The following RAB27B variants were observed in gnomAD, a reference collection of about 807,000 sequenced individuals.
RAB27B encodes the protein ras-related protein Rab-27B.
A neutral mutation model predicts 24.6 loss-of-function variants in RAB27B; 15 were observed. The ratio of observed to expected loss-of-function variants is 0.61; its 90% CI spans 0.41 to 0.94. The LOEUF (loss-of-function observed/expected upper bound fraction) is 0.94. RAB27B is among the 40% of genes least tolerant of loss of function. RAB27B has a pLI of 0.00. For synonymous variants in RAB27B, 105 were observed against 92.5 expected (o/e 1.14, Z -0.78); for missense variants, 261 against 266.8 (o/e 0.98, Z 0.15).
At chr18:54,869,979 C>A (rs1257755803) in intron 1 of RAB27B, among the ~76,000 whole-genome samples, 1 of 152,034 alleles carries the variant, frequency 6.6e-6, no homozygotes, top group Non-Finnish European at 1.5e-5. Flanking sequence ...ATTCAGAAAA[C>A]AGTCCCAGAC....
At chr18:54,881,662 ACT>A (rs1378107363) in intron 3 of RAB27B, among the ~76,000 whole-genome samples, 1 of 152,028 alleles carries the variant, frequency 6.6e-6, no homozygotes, top group East Asian at 1.9e-4. Flanking sequence ...CACCCTGCTG[ACT>A]CAATAGACAG....
At chr18:54,812,872 A>T (rs530080065) in intron 2 of RAB27B, among the ~76,000 whole-genome samples, 1 of 152,178 alleles carries the variant, frequency 6.6e-6, no homozygotes, top group Admixed American at 6.6e-5. Context: ...TGCAAATAAA[A>T]CTAATAATTC....
At chr18:54,753,889 A>G (rs2044805702) in intron 2 of RAB27B, among the ~76,000 whole-genome samples, 1 of 152,196 alleles carries the variant, frequency 6.6e-6, no homozygotes, top group African/African-American at 2.4e-5. Flanking sequence ...TGGGGTTTAG[A>G]AGAAATATTT....
intron 2 of RAB27B, among the ~76,000 whole-genome samples, chr18:54,779,808 C>G (rs1187486825): frequency 3.9e-5 from 6 of 152,190 alleles, no homozygotes; most frequent in African/African-American, 1.2e-4. Flanking sequence ...TGTCATAGTT[C>G]TGGAGGCTGG....
At chr18:54,820,641 T>C (rs574982303) in intron 2 of RAB27B, among the ~76,000 whole-genome samples, 115 of 152,272 alleles carry the variant, frequency 7.6e-4, no homozygotes, top group African/African-American at 2.6e-3. Flanking sequence ...TTTGTCAATT[T>C]TGGCTTTTGT....
chr18:54,754,157 A>G (rs1217045945), intron 2 of RAB27B, among the ~76,000 whole-genome samples: 2 of 145,770 alleles, frequency 1.4e-5, no homozygotes, highest in African/African-American at 2.6e-5. Flanking sequence ...CGTAAGGGCA[A>G]TTTCCCCCAC....
chr18:54,886,844 T>G (rs1439888154), intron 4 of RAB27B, among the ~76,000 whole-genome samples: 1 of 152,170 alleles, frequency 6.6e-6, no homozygotes, highest in East Asian at 1.9e-4. Context: ...AGCCTTTCTT[T>G]GTCTTCTTCC....
At chr18:54,718,226 A>G (rs1213683996) in intron 2 of RAB27B, 2 of 151,978 alleles carry the variant, frequency 1.3e-5, no homozygotes, top group Non-Finnish European at 2.9e-5. Context: ...GAAAGAGCCA[A>G]TGTGAGATGC....
chr18:54,833,315 C>G (rs1006090380), intron 1 of RAB27B, among the ~76,000 whole-genome samples: 4 of 148,190 alleles, frequency 2.7e-5, no homozygotes, highest in African/African-American at 1.0e-4. Context: ...CAATCTCCCT[C>G]CCCGGGGTTC....
At chr18:54,788,232 A>G (rs1289391591) in intron 2 of RAB27B, among the ~76,000 whole-genome samples, 2 of 152,216 alleles carry the variant, frequency 1.3e-5, no homozygotes, top group Non-Finnish European at 2.9e-5. Flanking sequence ...TAATATTTGT[A>G]TGAGTAATTG....
At chr18:54,811,394 C>T (rs933796544) in intron 2 of RAB27B, among the ~76,000 whole-genome samples, 5 of 152,018 alleles carry the variant, frequency 3.3e-5, no homozygotes, top group Admixed American at 6.6e-5. Context: ...TGGTTCAGTC[C>T]GGAACGGTGG....
At chr18:54,834,967 A>G (rs1225544532) in intron 1 of RAB27B, among the ~76,000 whole-genome samples, 1 of 151,920 alleles carries the variant, frequency 6.6e-6, no homozygotes, top group African/African-American at 2.4e-5. Context: ...GAACAATAAT[A>G]ATTAGTAAAA....
At chr18:54,763,004 A>G (rs1908241132) in intron 2 of RAB27B, among the ~76,000 whole-genome samples, 1 of 152,202 alleles carries the variant, frequency 6.6e-6, no homozygotes, top group South Asian at 2.1e-4. Flanking sequence ...ATTTTTACTT[A>G]ATGCATTCAT....
At chr18:54,731,614 G>T (rs1489693659) in intron 2 of RAB27B, among the ~76,000 whole-genome samples, 3 of 152,190 alleles carry the variant, frequency 2.0e-5, no homozygotes, top group Non-Finnish European at 4.4e-5. Flanking sequence ...CAGCTACTCA[G>T]AAGGCTGAGG....
chr18:54,754,793 T>G (rs549474600), intron 2 of RAB27B, among the ~76,000 whole-genome samples: 1 of 152,342 alleles, frequency 6.6e-6, no homozygotes, highest in Non-Finnish European at 1.5e-5. Flanking sequence ...TATTGGGACA[T>G]CTGGACTTTC....
intron 1 of RAB27B, among the ~76,000 whole-genome samples, chr18:54,832,447 A>G (rs902603834): frequency 1.3e-5 from 2 of 152,228 alleles, no homozygotes; most frequent in African/African-American, 4.8e-5. Flanking sequence ...AGCGTTTTTC[A>G]ACATCCAAGT....
chr18:54,767,661 T>C (rs1336380220), intron 2 of RAB27B, among the ~76,000 whole-genome samples: 1 of 152,226 alleles, frequency 6.6e-6, no homozygotes, highest in African/African-American at 2.4e-5. Context: ...TTATTTAATA[T>C]ACACTTATTT....
At chr18:54,771,967 A>G (rs1331666718) in intron 2 of RAB27B, among the ~76,000 whole-genome samples, 1 of 152,226 alleles carries the variant, frequency 6.6e-6, no homozygotes, top group African/African-American at 2.4e-5. Flanking sequence ...TTAATGGAAT[A>G]AAGAGTTTCA....
At chr18:54,769,928 T>G (rs1292015467) in intron 2 of RAB27B, among the ~76,000 whole-genome samples, 1 of 152,168 alleles carries the variant, frequency 6.6e-6, no homozygotes, top group Non-Finnish European at 1.5e-5. Context: ...GGCTGGATTG[T>G]GCAATCTTGG....
Sources: allele counts gnomAD v4.1 joint callset (sites outside exome capture counted in the v4.1 genomes callset), GRCh38; gene constraint gnomAD v4.1.1; transcripts MANE v1.5; gene names NCBI Gene and HGNC (gene_info 2026-07-23, HGNC 2026-07-21).